The following ERBB4 variants were observed in gnomAD, a reference collection of about 807,000 sequenced individuals.
ERBB4 encodes the protein erb-b2 receptor tyrosine kinase 4, also known as receptor tyrosine-protein kinase erbB-4.
A neutral mutation model predicts 158.0 loss-of-function variants in ERBB4; 42 were observed. The observed-to-expected ratio is 0.27, with a 90% CI of 0.21 to 0.34. The LOEUF is 0.34. ERBB4 is among the 10% of genes least tolerant of loss of function. ERBB4 has a pLI of 1.00. For synonymous variants in ERBB4, 583 were observed against 558.7 expected (o/e 1.04, Z -0.61); for missense variants, 1,333 against 1,624.1 (o/e 0.82, Z 3.08).
At chr2:211,949,710 T>C (rs839526) in intron 2 of ERBB4, among the ~76,000 whole-genome samples, 32,246 of 151,986 alleles carry the variant, frequency 0.21, 3,756 homozygotes, top group African/African-American at 0.3. Flanking sequence ...CTGAGTTTCC[T>C]TTCATCTTGT....
chr2:212,240,637 C>CAAAAAAAAAAAAAAAAAAAAAAAA lies in ERBB4; in HGVS notation c.83-115758_83-115735dup, dbSNP rs71054188. 5.9e-4 allele frequency among the ~76,000 whole-genome samples: 21 copies of CAAAAAAAAAAAAAAAAAAAAAAAA among 35,792 alleles called. 1 individual carries two copies. The highest frequency in any genetic ancestry group is 7.5e-4 in the African/African-American group (7 of 9,322). 23.5% of individuals were successfully genotyped at this position (35,792 alleles called of 152,430 possible). On this transcript the variant is annotated intron_variant, in intron 1 of 27. Coordinates refer to ENST00000342788, the MANE Select transcript of ERBB4 (RefSeq NM_005235.3). ...TGGGCAACAGAGCGACACTCTGGCT[C>CAAAAAAAAAAAAAAAAAAAAAAAA]AAAAAAAAAAAAAAAAAAAAAAAAA...
At chr2:211,412,047 A>G in intron 25 of ERBB4, among the ~76,000 whole-genome samples, 1 of 152,082 alleles carries the variant, frequency 6.6e-6, no homozygotes, top group Non-Finnish European at 1.5e-5. Context: ...TAGATTCAAG[A>G]CAACAGAAAC....
chr2:212,092,904 C>A (rs2078822817), intron 2 of ERBB4, among the ~76,000 whole-genome samples: 1 of 151,980 alleles, frequency 6.6e-6, no homozygotes. Flanking sequence ...CACGTGTATA[C>A]CAATGTAACA....
chr2:212,288,425 C>A (rs2086080061), intron 1 of ERBB4, among the ~76,000 whole-genome samples: 2 of 152,012 alleles, frequency 1.3e-5, no homozygotes. Flanking sequence ...ACTGAGACAG[C>A]CAAGTAAAAA....
rs181809449 is a variant in ERBB4, at chr2:211,505,144, T to C, written c.2487+56759A>G. 2.2e-3 allele frequency among the ~76,000 whole-genome samples: 342 copies of C among 152,128 alleles called. 2 individuals carry two copies. Among genetic ancestry groups the C allele is most frequent in the Admixed American group, 3.9e-3 (59 of 15,298 alleles). Reference sequence around the variant, plus strand: ...ATAAGATGAACATTACCAAGGTGTATAGTCATCAGACTATCCAAGCTCAAT... The same window carrying C: ...ATAAGATGAACATTACCAAGGTGTACAGTCATCAGACTATCCAAGCTCAAT... On this transcript the variant is annotated intron_variant, in intron 20 of 27. Coordinates refer to ENST00000342788, the MANE Select transcript of ERBB4 (RefSeq NM_005235.3).
At chr2:211,384,551 C>T (rs895735226) in intron 27 of ERBB4, among the ~76,000 whole-genome samples, 1 of 152,018 alleles carries the variant, frequency 6.6e-6, no homozygotes, top group African/African-American at 2.4e-5. Context: ...CTATGGTTTG[C>T]TATGATTGCC....
chr2:211,664,006 C>A (rs1202609895), intron 15 of ERBB4, among the ~76,000 whole-genome samples: 9 of 151,926 alleles, frequency 5.9e-5, no homozygotes, highest in Non-Finnish European at 1.3e-4. Context: ...TATTTCAGTA[C>A]CCTAAATGTA....
rs559578593 is a variant in ERBB4 at position 211,886,534 on chromosome 2, A to T, written c.421+60896T>A. 3.9e-5 allele frequency among the ~76,000 whole-genome samples: 6 copies of T among 152,198 alleles called. No individual in the cohort carries two copies. The South Asian group carries it at 1.2e-3, about 31-fold the overall frequency. On this transcript the variant is annotated intron_variant, in intron 3 of 27. Coordinates refer to ENST00000342788, the MANE Select transcript of ERBB4 (RefSeq NM_005235.3). ...TCAGGATAAAAATAAACATGTGCCC[A>T]CTGACTATATAAAGAGGCCAAAAGA...
intron 20 of ERBB4, among the ~76,000 whole-genome samples, chr2:211,464,794 C>G (rs1315390664): frequency 6.6e-6 from 1 of 151,936 alleles, no homozygotes; most frequent in Non-Finnish European, 1.5e-5. Context: ...CAGGCTGTTA[C>G]AGTGGTGGCT....
intron 1 of ERBB4, among the ~76,000 whole-genome samples, chr2:212,126,296 C>T (rs1359169906): frequency 6.6e-6 from 1 of 151,702 alleles, no homozygotes; most frequent in Non-Finnish European, 1.5e-5. Flanking sequence ...CCTGTCTCTA[C>T]CAAAAATACA....
intron 2 of ERBB4, among the ~76,000 whole-genome samples, chr2:211,985,499 C>T (rs1468791878): frequency 1.3e-5 from 2 of 152,006 alleles, no homozygotes; most frequent in Non-Finnish European, 2.9e-5. Context: ...ACCAAATTGA[C>T]CATCAGTAAA....
chr2:212,503,762 C>G (rs763129198), intron 1 of ERBB4, among the ~76,000 whole-genome samples: 1 of 152,060 alleles, frequency 6.6e-6, no homozygotes, highest in Non-Finnish European at 1.5e-5. Flanking sequence ...TTTAGAGGAA[C>G]AGTCAAAAGT....
chr2:212,021,934 T>C (rs1410266011), intron 2 of ERBB4, among the ~76,000 whole-genome samples: 2 of 152,116 alleles, frequency 1.3e-5, no homozygotes, highest in Admixed American at 6.6e-5. Context: ...CTCAACATCA[T>C]TGATTATTAG....
At chr2:211,530,922 A>G (rs1185645874) in intron 20 of ERBB4, among the ~76,000 whole-genome samples, 2 of 152,042 alleles carry the variant, frequency 1.3e-5, no homozygotes, top group Admixed American at 1.3e-4. Flanking sequence ...TATATTACAG[A>G]GCTCTAGTAA....
At chr2:211,861,173 T>TTTTC (rs575638163) in intron 3 of ERBB4, among the ~76,000 whole-genome samples, 115 of 60,016 alleles carry the variant, frequency 1.9e-3, no homozygotes, top group South Asian at 2.7e-3. Flanking sequence ...AAGTAGTTTT[T>TTTTC]TTTTTTTTTG....
intron 4 of ERBB4, among the ~76,000 whole-genome samples, chr2:211,751,229 A>C (rs1014181053): frequency 6.6e-6 from 1 of 152,200 alleles, no homozygotes; most frequent in African/African-American, 2.4e-5. Flanking sequence ...GCTTAATTTC[A>C]ATTATTTTAA....
At chr2:211,568,877 ATTTT>A (rs1307838180) in intron 19 of ERBB4, among the ~76,000 whole-genome samples, 6 of 152,124 alleles carry the variant, frequency 3.9e-5, no homozygotes, top group African/African-American at 1.4e-4. Flanking sequence ...GTCCATAATA[ATTTT>A]TTTACTAACT....
chr2:212,345,389 A>C (rs548912045), intron 1 of ERBB4, among the ~76,000 whole-genome samples: 9 of 152,230 alleles, frequency 5.9e-5, no homozygotes, highest in African/African-American at 1.9e-4. Flanking sequence ...AAAGTGGAGC[A>C]ACTGTGCTCC....
intron 1 of ERBB4, among the ~76,000 whole-genome samples, chr2:212,369,534 T>C (rs1314079637): frequency 1.3e-5 from 2 of 152,320 alleles, no homozygotes; most frequent in South Asian, 2.1e-4. Flanking sequence ...TACTTATTCT[T>C]TCTTTTTTAA....
Sources: allele counts gnomAD v4.1 joint callset (sites outside exome capture counted in the v4.1 genomes callset), GRCh38; gene constraint gnomAD v4.1.1; transcripts MANE v1.5; gene names NCBI Gene and HGNC (gene_info 2026-07-23, HGNC 2026-07-21).